Variants in ADGRA2 observed in about 807,000 individuals in gnomAD.
The protein encoded by ADGRA2 is G-protein coupled receptor 124.
In ADGRA2, 61 loss-of-function variants were observed where a neutral mutation model predicts 98.7. The observed-to-expected ratio is 0.62, with a 90% CI of 0.50 to 0.76. The LOEUF is 0.76. Ranked by LOEUF, ADGRA2 falls within the 30% of genes least tolerant of loss-of-function variation. The pLI is 0.00. For missense variants in ADGRA2, 1,712 were observed against 1,860.0 expected, an observed-to-expected ratio of 0.92 and a Z score of 1.46; for synonymous variants, 858 against 831.5, an observed-to-expected ratio of 1.03 and a Z score of -0.55.
At chr8:37,805,773 G>A (rs999926320) in intron 1 of ADGRA2, among the ~76,000 whole-genome samples, 1 of 152,090 alleles carries the variant, frequency 6.6e-6, no homozygotes, top group African/African-American at 2.4e-5. Context: ...TGAGGCTGAG[G>A]CAGGCGAGTT....
intron 1 of ADGRA2, among the ~76,000 whole-genome samples, chr8:37,805,192 C>T (rs147785173): frequency 5.8e-4 from 88 of 152,326 alleles, no homozygotes; most frequent in African/African-American, 2.0e-3. Context: ...ACCAAACATC[C>T]CCTCCATCCT....
In ADGRA2 at chr8:37,839,154, G is replaced by A. The variant is rs776367743; in HGVS notation, c.2387+71G>A. On this transcript the variant is annotated intron_variant, in intron 15 of 18. Transcript: ENST00000412232. ...GGGGCCCCTACCCTGTCCACTTCCCGTCCTATGCTCCGGTACATACTTTCA... is the reference window on the plus strand; with the variant it reads ...GGGGCCCCTACCCTGTCCACTTCCCATCCTATGCTCCGGTACATACTTTCA... The A allele has an allele frequency of 1.9e-4, 301 of 1,563,668 alleles. 1 individual carries two copies. The highest frequency in any genetic ancestry group is 2.5e-4 in the Non-Finnish European group (288 of 1,136,042).
intron 13 of ADGRA2, 95 bp from the exon 14 acceptor site, chr8:37,837,636 C>A: frequency 9.6e-7 from 1 of 1,044,592 alleles, no homozygotes; most frequent in Non-Finnish European, 1.4e-6. Flanking sequence ...GTGCCTAGTA[C>A]ACACCCTGTC....
In ADGRA2 at chr8:37,831,556, G is replaced by A. The variant is rs758912097; in HGVS notation, c.1066G>A (p.Glu356Lys). The A allele has an allele frequency of 1.4e-5, 23 of 1,613,832 alleles. No homozygotes were observed. Among genetic ancestry groups the A allele is most frequent in the Non-Finnish European group, 1.8e-5 (21 of 1,180,024 alleles). ...LETSASYCPA[E>K]RVANNRGDFR... ...GACCTCTGCCTCCTACTGCCCCGCC[G>A]AGCGTGTTGCCAACAACCGCGGGGA... Residue 356 changes from glutamate to lysine, a missense_variant, in exon 8 of 19, where the codon GAG (glutamate) becomes AAG (lysine). Transcript: ENST00000412232.
rs60565183 is a variant in ADGRA2 at position 37,804,100 on chromosome 8, GACACACACACACACACACACACACACAC to G, written c.266+6591_266+6618del. On this transcript the variant is annotated intron_variant, in intron 1 of 18. Coordinates refer to ENST00000412232, the MANE Select transcript of ADGRA2 (RefSeq NM_032777.10). ...GGAGGGGCCAGCCTGCCCACGGTGA[GACACACACACACACACACACACACACAC>G]ACACACACACACACACACACACACG... Among the ~76,000 whole-genome samples, 28 of 107,196 alleles carry G rather than the reference GACACACACACACACACACACACACACAC, an allele frequency of 2.6e-4. 1 individual carries two copies. The highest frequency in any genetic ancestry group is 1.0e-3 in the African/African-American group (28 of 27,132). The allele number at this position is 107,196 out of a possible 152,430, so 70.3% of individuals were successfully genotyped here.
At chr8:37,831,322 A>G in intron 7 of ADGRA2, 101 bp from the exon 8 acceptor site, 1 of 1,098,758 alleles carries the variant, frequency 9.1e-7, no homozygotes, top group Admixed American at 2.1e-5. Context: ...TTCATTAAAG[A>G]AAAAAGGACC....
chr8:37,841,675 G>A lies in ADGRA2; in HGVS notation c.3337G>A (p.Gly1113Ser). The A allele has an allele frequency of 1.3e-6, 2 of 1,531,226 alleles. No individual in the cohort carries two copies. The highest frequency in any genetic ancestry group is 1.2e-5 in the South Asian group (1 of 81,764). 94.9% of individuals were successfully genotyped at this position (1,531,226 alleles called of 1,614,324 possible). The stretch of plus-strand genomic sequence containing the variant: ...GGACGGTTCCCCGGTGTTCGGGGAG[G>A]GCCCCCCCTCCCTCAAGTCCTCCCC... ...AEDGSPVFGE[G>S]PPSLKSSPSG... Residue 1113 changes from glycine (G) to serine (S), a missense_variant, in exon 19 of 19, where the codon GGC becomes AGC. Coordinates refer to ENST00000412232, the MANE Select transcript of ADGRA2 (RefSeq NM_032777.10). This position sits in a 1 kb window ranked among gnomAD's most constrained non-coding sequence, Gnocchi z 5.0.
At chr8:37,825,974 G>A (rs915773793) in intron 2 of ADGRA2, among the ~76,000 whole-genome samples, 3 of 152,172 alleles carry the variant, frequency 2.0e-5, no homozygotes, top group Non-Finnish European at 4.4e-5. Flanking sequence ...CCTCTCCAAG[G>A]CCCCAGCATG....
chr8:37,810,490 A>G (rs1398616646), intron 1 of ADGRA2, among the ~76,000 whole-genome samples: 1 of 151,526 alleles, frequency 6.6e-6, no homozygotes, highest in African/African-American at 2.4e-5. Context: ...GCCTGGCAAC[A>G]GAGCAAGGCT....
intron 1 of ADGRA2, among the ~76,000 whole-genome samples, chr8:37,806,099 T>C (rs1222157017): frequency 6.6e-6 from 1 of 151,924 alleles, no homozygotes; most frequent in Non-Finnish European, 1.5e-5. Flanking sequence ...TAAGGTCAGT[T>C]GGGGGTAATT....
Position 37,797,489 on chromosome 8 carries a change from C to A in ADGRA2, c.221C>A (p.Pro74Gln). 2.1e-6 allele frequency: 3 copies of A among 1,407,750 alleles called. No individual in the cohort carries two copies. The highest frequency in any genetic ancestry group is 1.9e-6 in the Non-Finnish European group (2 of 1,077,396). 87.2% of individuals were successfully genotyped at this position (1,407,750 alleles called of 1,614,324 possible). Residue 74 changes from proline (P) to glutamine (Q), a missense_variant, in exon 1 of 19, where the codon CCG (proline) becomes CAG (glutamine). Physicochemically the swap from Pro to Gln is moderately conservative, Grantham distance 76. Transcript: ENST00000412232. The surrounding 1 kb of genome is among the most constrained non-coding windows in gnomAD (Gnocchi z 5.3). ...GTGGTGTGCAGCGGCGGGGACCTCCCGGAGCCTCCCGAGCCCGGCCTTCTG... is the reference window on the plus strand; with the variant it reads ...GTGGTGTGCAGCGGCGGGGACCTCCAGGAGCCTCCCGAGCCCGGCCTTCTG... Reference protein sequence around the residue: ...RRVVCSGGDLPEPPEPGLLPN... With the variant: ...RRVVCSGGDLQEPPEPGLLPN...
intron 8 of ADGRA2, among the ~76,000 whole-genome samples, chr8:37,832,124 T>TG (rs961259355): frequency 1.3e-5 from 2 of 149,236 alleles, no homozygotes; most frequent in African/African-American, 5.1e-5. Flanking sequence ...AAAGACTTTT[T>TG]TTTTTTTGAG....
At position 37,842,088 on chromosome 8, in the gene ADGRA2, C is replaced by T. The variant is rs1403753275; in HGVS notation, c.3750C>T (p.Leu1250=). ...AGLQLEGEPM[L]TPSEGSDTSA... ...TGCAGCTGGAAGGCGAGCCCATGCT[C>T]ACGCCGTCCGAGGGCAGCGACACCA... The change falls in exon 19 of 19, where the codon CTC becomes CTT. Residue 1250 remains leucine, a synonymous_variant. Transcript: ENST00000412232. 1.7e-5 allele frequency: 26 copies of T among 1,513,784 alleles called. No individual in the cohort carries two copies. Among genetic ancestry groups the T allele is most frequent in the Admixed American group, 1.0e-4 (5 of 48,026 alleles). 93.8% of individuals were successfully genotyped at this position (1,513,784 alleles called of 1,614,324 possible). A position where few individuals can be genotyped will look rare whatever the true frequency, so the allele number is the denominator to read the frequency against.
At chr8:37,811,458 C>T (rs1448367954) in intron 1 of ADGRA2, among the ~76,000 whole-genome samples, 4 of 148,378 alleles carry the variant, frequency 2.7e-5, no homozygotes, top group African/African-American at 7.5e-5. Context: ...AGATGTAAAC[C>T]ACTGCACCCA....
Position 37,841,572 on chromosome 8 carries a change from C to T in ADGRA2, c.3234C>T (p.Ala1078=), listed in dbSNP as rs1805792865. The T allele has an allele frequency of 1.2e-6, 2 of 1,602,432 alleles. No homozygotes were observed. The highest frequency in any genetic ancestry group is 2.2e-5 in the East Asian group (1 of 44,464). Reference sequence around the variant, plus strand: ...GTGCCAGGCGGAGGGACGTGAGAGCCTCGTGGCGCGCCTGCTGCCCCCCTG... The same window carrying T: ...GTGCCAGGCGGAGGGACGTGAGAGCTTCGTGGCGCGCCTGCTGCCCCCCTG... The part of the protein sequence containing the change: ...HHCARRRDVR[A]SWRACCPPAS... The change falls in exon 19 of 19, where the codon GCC becomes GCT. Residue 1078 remains alanine (A), a synonymous_variant. Transcript: ENST00000412232. The surrounding 1 kb of genome is among the most constrained non-coding windows in gnomAD (Gnocchi z 5.0).
chr8:37,798,441 GCC>G (rs2129876909), intron 1 of ADGRA2, among the ~76,000 whole-genome samples: 1 of 152,286 alleles, frequency 6.6e-6, no homozygotes, highest in South Asian at 2.1e-4. Context: ...CCGACCCCAA[GCC>G]TCCTACAAGG....
intron 2 of ADGRA2, among the ~76,000 whole-genome samples, chr8:37,815,176 C>T (rs1585976195): frequency 6.6e-6 from 1 of 152,342 alleles, no homozygotes; most frequent in South Asian, 2.1e-4. Flanking sequence ...AGACCAGCTC[C>T]TCTGCCAGCC....
chr8:37,797,536 T>C lies in ADGRA2; in HGVS notation c.266+2T>C. The C allele has an allele frequency of 7.2e-7, 1 of 1,386,648 alleles. No homozygotes were observed. The highest frequency in any genetic ancestry group is 1.9e-5 in the South Asian group (1 of 53,046). 85.9% of individuals were successfully genotyped at this position (1,386,648 alleles called of 1,614,324 possible). A position where few individuals can be genotyped will look rare whatever the true frequency, so the allele number is the denominator to read the frequency against. Reference sequence around the variant, plus strand: ...TCTGCCTAACGGCACCGTTACCCTGTGAGTACCCTACCAGGCCAGTTCCGT... The same window carrying C: ...TCTGCCTAACGGCACCGTTACCCTGCGAGTACCCTACCAGGCCAGTTCCGT... On this transcript the variant is annotated splice_donor_variant, in intron 1 of 18. Coordinates refer to ENST00000412232, the MANE Select transcript of ADGRA2 (RefSeq NM_032777.10). LOFTEE classifies it high-confidence loss of function. This position sits in a 1 kb window ranked among gnomAD's most constrained non-coding sequence, Gnocchi z 5.3.
chr8:37,841,308 T>C lies in ADGRA2; in HGVS notation c.2970T>C (p.Gly990=). 1 of 1,608,876 alleles carries C rather than the reference T, an allele frequency of 6.2e-7. No individual in the cohort carries two copies. Among genetic ancestry groups the C allele is most frequent in the South Asian group, 1.1e-5 (1 of 90,692 alleles). The part of the protein sequence containing the change: ...RGSGPLLSDS[G]SLLATGSARV... The stretch of plus-strand genomic sequence containing the variant: ...GCGGCCCCCTCCTGAGTGACTCAGG[T>C]TCCCTTCTTGCTACTGGGAGCGCGC... The change falls in exon 19 of 19, where the codon GGT becomes GGC. Residue 990 remains glycine (G), a synonymous_variant. Coordinates refer to ENST00000412232, the MANE Select transcript of ADGRA2 (RefSeq NM_032777.10). The surrounding 1 kb of genome is among the most constrained non-coding windows in gnomAD (Gnocchi z 5.0).
Sources: gnomAD v4.1 joint callset for allele counts (sites outside exome capture counted in the v4.1 genomes callset) on GRCh38, gnomAD v4.1.1 for gene constraint, Gnocchi (gnomAD v3.1) non-coding constraint, MANE v1.5 for transcripts, NCBI Gene and HGNC (gene_info 2026-07-23, HGNC 2026-07-21) for gene names.